KDM4C: variants seen among roughly 807,000 people sequenced by gnomAD.
KDM4C encodes lysine demethylase 4C.
Under a neutral mutation model 129.3 loss-of-function variants are expected in KDM4C, and 81 were observed. That is an observed-to-expected ratio of 0.63 (90% confidence interval 0.52 to 0.75). KDM4C has a LOEUF of 0.75. Ranked by LOEUF, KDM4C falls within the 30% of genes least tolerant of loss-of-function variation. The pLI, the probability that KDM4C is intolerant of heterozygous loss-of-function variation, is 0.00. For missense variants in KDM4C, 1,457 were observed against 1,304.0 expected (o/e 1.12, Z -1.81); for synonymous variants, 573 against 456.1 (o/e 1.26, Z -3.26).
chr9:6,919,247 T>TTTCTTTTCTTTCTTTC, intron 8 of KDM4C, among the ~76,000 whole-genome samples: 7 of 106,292 alleles, frequency 6.6e-5, no homozygotes, highest in Admixed American at 4.7e-4. Context: ...TCTTTCTTTC[T>TTTCTTTTCTTTCTTTC]TTTCTTTCTT....
intron 8 of KDM4C, among the ~76,000 whole-genome samples, chr9:6,951,926 A>T (rs569435124): frequency 5.6e-4 from 85 of 151,764 alleles, no homozygotes; most frequent in African/African-American, 2.0e-3. Flanking sequence ...TAAGTTTTAA[A>T]TTTTTTTTTC....
chr9:6,885,183 A>T (rs781390696), intron 6 of KDM4C, among the ~76,000 whole-genome samples: 26 of 149,988 alleles, frequency 1.7e-4, no homozygotes, highest in Non-Finnish European at 3.6e-4. Context: ...GTACTTAACC[A>T]CTCTCCCCTT....
intron 8 of KDM4C, among the ~76,000 whole-genome samples, chr9:6,905,802 G>A (rs1400789399): frequency 2.6e-5 from 4 of 152,216 alleles, no homozygotes; most frequent in African/African-American, 4.8e-5. Context: ...AAATCAGCCT[G>A]TGACTTCATT....
chr9:6,811,089 C>A (rs1831059863), intron 3 of KDM4C, among the ~76,000 whole-genome samples: 1 of 152,176 alleles, frequency 6.6e-6, no homozygotes, highest in Non-Finnish European at 1.5e-5. Context: ...GTGCCAGGAT[C>A]ACCTGGTTGT....
At chr9:7,105,371 A>G (rs1191674750) in intron 18 of KDM4C, 2 of 457,602 alleles carry the variant, frequency 4.4e-6, no homozygotes, top group Non-Finnish European at 9.2e-6. Flanking sequence ...TCTATAAAAC[A>G]TGGTATCCCA....
chr9:7,067,194 C>G (rs548461886), intron 17 of KDM4C, among the ~76,000 whole-genome samples: 153 of 152,266 alleles, frequency 1.0e-3, no homozygotes, highest in African/African-American at 3.6e-3. Flanking sequence ...TAGTGATAGC[C>G]TTTGAACTAT....
At chr9:7,086,627 T>A (rs1200073583) in intron 17 of KDM4C, among the ~76,000 whole-genome samples, 10 of 152,172 alleles carry the variant, frequency 6.6e-5, no homozygotes, top group Non-Finnish European at 1.5e-5. Flanking sequence ...CTGGATTGCC[T>A]TGAGTGTGTT....
chr9:6,921,285 C>T (rs1394246766), intron 8 of KDM4C, among the ~76,000 whole-genome samples: 1 of 152,142 alleles, frequency 6.6e-6, no homozygotes, highest in African/African-American at 2.4e-5. Flanking sequence ...TCCTTGGAAC[C>T]CACAAACTCC....
chr9:7,118,779 A>T (rs981971114), intron 18 of KDM4C, among the ~76,000 whole-genome samples: 2 of 152,138 alleles, frequency 1.3e-5, no homozygotes, highest in African/African-American at 4.8e-5. Context: ...TACGCCCTTT[A>T]TTAACATCAT....
At chr9:6,776,271 C>G (rs976873476) in intron 1 of KDM4C, among the ~76,000 whole-genome samples, 2 of 152,042 alleles carry the variant, frequency 1.3e-5, no homozygotes, top group Non-Finnish European at 2.9e-5. Flanking sequence ...ACACATCTTT[C>G]TTTCCTTTTT....
At chr9:7,060,455 TTATTATTATTATTATTATTA>T (rs1298942449) in intron 17 of KDM4C, among the ~76,000 whole-genome samples, 10 of 23,912 alleles carry the variant, frequency 4.2e-4, no homozygotes, top group African/African-American at 3.1e-3. Flanking sequence ...AGTATTGTTG[TTATTATTATTATTATTATTA>T]TTATTATTAT....
At chr9:6,951,413 A>T (rs1001018862) in intron 8 of KDM4C, among the ~76,000 whole-genome samples, 6 of 152,144 alleles carry the variant, frequency 3.9e-5, no homozygotes, top group African/African-American at 1.4e-4. Context: ...TCATGATCTG[A>T]TTACATTCTG....
At chr9:6,762,342 A>T (rs1286706622) in intron 1 of KDM4C, among the ~76,000 whole-genome samples, 1 of 151,234 alleles carries the variant, frequency 6.6e-6, no homozygotes, top group East Asian at 1.9e-4. Context: ...CAGTTAAAAA[A>T]ATTTCTGTTT....
chr9:6,912,873 G>T (rs909789914), intron 8 of KDM4C, among the ~76,000 whole-genome samples: 8 of 152,194 alleles, frequency 5.3e-5, no homozygotes, highest in African/African-American at 1.4e-4. Context: ...ATAAGGAAAA[G>T]AATATTTTTT....
chr9:6,955,654 T>G (rs1167931059), intron 8 of KDM4C, among the ~76,000 whole-genome samples: 3 of 152,254 alleles, frequency 2.0e-5, no homozygotes, highest in Admixed American at 6.5e-5. Context: ...TTGAAATTTT[T>G]TCAGCTTTTC....
chr9:6,963,851 C>A (rs1830440424), intron 8 of KDM4C, among the ~76,000 whole-genome samples: 1 of 152,314 alleles, frequency 6.6e-6, no homozygotes, highest in East Asian at 1.9e-4. Flanking sequence ...AGTTCCCTCT[C>A]ACATTTCATT....
intron 8 of KDM4C, among the ~76,000 whole-genome samples, chr9:6,926,211 C>T (rs1822487968): frequency 7.0e-6 from 1 of 141,998 alleles, no homozygotes; most frequent in Non-Finnish European, 1.6e-5. Context: ...GAAAACATTT[C>T]CTGAGGCTGT....
intron 7 of KDM4C, among the ~76,000 whole-genome samples, chr9:6,892,790 A>T (rs1563770050): frequency 6.6e-6 from 1 of 152,230 alleles, no homozygotes. Context: ...CTTGATAGCT[A>T]ATATGAACAA....
chr9:7,051,464 G>A (rs915272840), intron 17 of KDM4C, among the ~76,000 whole-genome samples: 1 of 152,092 alleles, frequency 6.6e-6, no homozygotes, highest in Non-Finnish European at 1.5e-5. Context: ...ACCTTTCCAG[G>A]GAATAGGATG....
Sources: allele counts gnomAD v4.1 joint callset (sites outside exome capture counted in the v4.1 genomes callset), GRCh38; gene constraint gnomAD v4.1.1; transcripts MANE v1.5; gene names NCBI Gene and HGNC (gene_info 2026-07-23, HGNC 2026-07-21).